The following SEPTIN8 variants were observed in gnomAD, a reference collection of about 807,000 sequenced individuals.
The protein encoded by SEPTIN8 is septin 8.
Under a neutral mutation model 53.1 loss-of-function variants are expected in SEPTIN8, and 22 were observed. The ratio of observed to expected loss-of-function variants is 0.41; its 90% CI spans 0.30 to 0.59. The LOEUF is 0.59. SEPTIN8 is among the 20% of genes least tolerant of loss of function. The pLI is 0.24. For synonymous variants in SEPTIN8, 228 were observed against 248.4 expected (o/e 0.92, Z 0.77); for missense variants, 536 against 638.7 (o/e 0.84, Z 1.73).
chr5:132,762,580 C>G lies in SEPTIN8; in HGVS notation c.600G>C (p.Lys200Asn). 6.2e-7 allele frequency: 1 copy of G among 1,614,236 alleles called. No homozygotes were observed. Among genetic ancestry groups the G allele is most frequent in the Non-Finnish European group, 8.5e-7 (1 of 1,180,042 alleles). Reference protein sequence around the residue: ...TISKSELHKFKIKIMGELVSN... With the variant: ...TISKSELHKFNIKIMGELVSN... ...TGACCAACTCGCCCATGATCTTGAT[C>G]TTGAACTTGTGGAGCTCGCTCTTGG... is the stretch of plus-strand genomic sequence containing the variant. Residue 200 changes from lysine (K) to asparagine (N), a missense_variant, in exon 5 of 10, where the codon AAG (lysine) becomes AAC (asparagine). Physicochemically the swap from Lys to Asn is moderately conservative, Grantham distance 94. Transcript: ENST00000378719.
At position 132,751,828 on chromosome 5, in the gene SEPTIN8, G is replaced by A; in HGVS notation, c.*188C>T. Reference sequence around the variant, plus strand: ...GGCATTAAGCCTCAAGCCCCTTACGGAGCCATGGATAGGAATGAAAAGGGT... The same window carrying A: ...GGCATTAAGCCTCAAGCCCCTTACGAAGCCATGGATAGGAATGAAAAGGGT... On this transcript the variant is annotated 3_prime_UTR_variant, in exon 10 of 10. Coordinates refer to ENST00000378719, the MANE Select transcript of SEPTIN8 (RefSeq NM_001098811.2). 5.7e-6 allele frequency: 6 copies of A among 1,056,634 alleles called. No individual in the cohort carries two copies. Among genetic ancestry groups the A allele is most frequent in the Non-Finnish European group, 8.1e-6 (6 of 738,116 alleles). The allele number at this position is 1,056,634 out of a possible 1,614,324, so 65.5% of individuals were successfully genotyped here.
At chr5:132,777,998 T>C (rs913679720), upstream of SEPTIN8, 310 of 985,460 alleles carry the variant, frequency 3.1e-4, no homozygotes, top group Non-Finnish European at 2.5e-4. This position sits in a 1 kb window ranked among gnomAD's most constrained non-coding sequence, Gnocchi z 4.1. Context: ...GGTTCCACCA[T>C]TGTGCAAAGA....
chr5:132,768,161 T>C (rs1383078751), intron 1 of SEPTIN8, among the ~76,000 whole-genome samples: 2 of 152,088 alleles, frequency 1.3e-5, no homozygotes, highest in Non-Finnish European at 2.9e-5. Flanking sequence ...CTCACACAGC[T>C]TGGCTCTCTC....
At chr5:132,765,289 AC>A in intron 2 of SEPTIN8, 119 bp downstream of exon 2, 1 of 1,212,422 alleles carries the variant, frequency 8.2e-7, no homozygotes, top group Admixed American at 2.2e-5. Context: ...TCGTCCTGAC[AC>A]CCCCAAAGTT....
At chr5:132,756,501 A>C in intron 9 of SEPTIN8, 1 of 985,442 alleles carries the variant, frequency 1.0e-6, no homozygotes, top group Non-Finnish European at 1.2e-6. Context: ...TGAGAAAAAG[A>C]GGGGTAAATG....
chr5:132,777,328 C>A (rs1757904313), upstream of SEPTIN8: 1 of 1,067,254 alleles, frequency 9.4e-7, no homozygotes, highest in East Asian at 6.5e-5. The surrounding 1 kb of genome is among the most constrained non-coding windows in gnomAD (Gnocchi z 4.1). Context: ...CCCGCGGGAC[C>A]GGCCTCCCCG....
At position 132,753,376 on chromosome 5, in the gene SEPTIN8, T is replaced by C. The variant is rs978695785; in HGVS notation, c.1287-1195A>G. 7 of 190,578 alleles carry C rather than the reference T, an allele frequency of 3.7e-5. No homozygotes were observed. The Admixed American group carries it at 3.7e-4, about 10-fold the overall frequency. The allele number at this position is 190,578 out of a possible 1,614,324, so 11.8% of individuals were successfully genotyped here. On this transcript the variant is annotated intron_variant, in intron 9 of 9. Coordinates refer to ENST00000378719, the MANE Select transcript of SEPTIN8 (RefSeq NM_001098811.2). ...AAGGGCTGGGGCTAGCTCTGACCAG[T>C]TCTTGCTGCTCTACCTGCCAGAGCT... is the stretch of plus-strand genomic sequence containing the variant.
intron 1 of SEPTIN8, among the ~76,000 whole-genome samples, chr5:132,770,006 T>TATATATAC (rs1757042864): frequency 1.5e-5 from 1 of 67,716 alleles, no homozygotes; most frequent in African/African-American, 4.9e-5. Context: ...TATATATATA[T>TATATATAC]ATATATATAT....
Position 132,752,037 on chromosome 5 carries a change from C to G in SEPTIN8, c.1431G>C (p.Thr477=). 6.2e-7 allele frequency: 1 copy of G among 1,611,556 alleles called. No individual in the cohort carries two copies. The highest frequency in any genetic ancestry group is 8.5e-7 in the Non-Finnish European group (1 of 1,179,042). ...TGCCTCAGAGGAATCCTTCCCTCCA[C>G]GTCGCATCCCTGACCAGGCAGCTGC... ...QCCSCLVRDA[T]WREGFL The change falls in exon 10 of 10, where the codon ACG becomes ACC. Residue 477 remains threonine, a synonymous_variant. Transcript: ENST00000378719.
chr5:132,765,504 A>T lies in SEPTIN8; in HGVS notation c.56T>A (p.Leu19His). 1 of 1,609,762 alleles carries T rather than the reference A, an allele frequency of 6.2e-7. No individual in the cohort carries two copies. The highest frequency in any genetic ancestry group is 1.1e-5 in the South Asian group (1 of 90,400). The change falls in exon 2 of 10, where the codon CTC becomes CAC. Residue 19 changes from leucine (L) to histidine (H), a missense_variant. Around this residue, in one of 3 missense-constraint regions of SEPTIN8, gnomAD observed 395 missense variants for 451.8 expected, o/e 0.87. Coordinates refer to ENST00000378719, the MANE Select transcript of SEPTIN8 (RefSeq NM_001098811.2). ...GAAACCCACATGGCCGCCCAGGGAG[A>T]GGCTCCGGGGCTCTGGCTCTGCATT... ...FSNAEPEPRS[L>H]SLGGHVGFDS...
Position 132,761,832 on chromosome 5 carries a change from C to G in SEPTIN8, c.761G>C (p.Arg254Pro), listed in dbSNP as rs774630726. ...EEVKVGNKLV[R>P]ARQYPWGVVQ... is the part of the protein sequence containing the mutation. ...CACTCCCCAGGGGTACTGCCGTGCT[C>G]GGACCAGCTTGTTCCCCACCTTCAC... Residue 254 changes from arginine to proline, a missense_variant, in exon 6 of 10, where the codon CGA becomes CCA. Physicochemically the swap from Arg to Pro is moderately radical, Grantham distance 103 (BLOSUM62 -2). This residue lies in a region of SEPTIN8 where 395 missense variants were observed against 451.8 expected (regional missense o/e 0.87). Coordinates refer to ENST00000378719, the MANE Select transcript of SEPTIN8 (RefSeq NM_001098811.2). This position sits in a 1 kb window ranked among gnomAD's most constrained non-coding sequence, Gnocchi z 5.8. 1.2e-6 allele frequency: 2 copies of G among 1,608,932 alleles called. No individual in the cohort carries two copies. The highest frequency in any genetic ancestry group is 1.7e-6 in the Non-Finnish European group (2 of 1,177,762).
At chr5:132,753,331 G>T in intron 9 of SEPTIN8, 1 of 256,716 alleles carries the variant, frequency 3.9e-6, no homozygotes. Flanking sequence ...AAACCAAGAG[G>T]CAGGCCTGGC....
At chr5:132,762,851 G>A (rs549586325) in intron 4 of SEPTIN8, among the ~76,000 whole-genome samples, 12 of 152,258 alleles carry the variant, frequency 7.9e-5, no homozygotes, top group African/African-American at 1.7e-4. Flanking sequence ...ACAATTGGCT[G>A]CAGTGCTTCT....
upstream of SEPTIN8, among the ~76,000 whole-genome samples, chr5:132,779,605 CTTTT>C (rs1303853069): frequency 1.3e-5 from 2 of 152,196 alleles, no homozygotes; most frequent in East Asian, 1.9e-4. Flanking sequence ...TTTATACTTT[CTTTT>C]GTCATGTAGA....
At chr5:132,756,516 T>A in intron 9 of SEPTIN8, 1 of 985,384 alleles carries the variant, frequency 1.0e-6, no homozygotes, top group African/African-American at 1.7e-5. Flanking sequence ...TAAATGAGAC[T>A]CTGCAGACAG....
rs1380698192 is a variant in SEPTIN8 at position 132,762,553 on chromosome 5, G to A, written c.627C>T (p.Ser209=). 1 of 1,614,190 alleles carries A rather than the reference G, an allele frequency of 6.2e-7. No individual in the cohort carries two copies. Among genetic ancestry groups the A allele is most frequent in the South Asian group, 1.1e-5 (1 of 91,084 alleles). The change falls in exon 5 of 10, where the codon AGC becomes AGT. Residue 209 remains serine (S), a synonymous_variant. Transcript: ENST00000378719. ...FKIKIMGELV[S]NGVQIYQFPT... is the part of the protein sequence containing the mutation. ...GGAACTGGTAGATCTGGACCCCGTTGCTGACCAACTCGCCCATGATCTTGA... is the reference window on the plus strand; with the variant it reads ...GGAACTGGTAGATCTGGACCCCGTTACTGACCAACTCGCCCATGATCTTGA...
In SEPTIN8 at chr5:132,761,331, A is replaced by G. The variant is rs1364298792; in HGVS notation, c.963-66T>C. ...GACGGAATGGGATAGGGCAGGGCAG[A>G]GCCAGAGAAGTAGAATCATGTGGGC... On this transcript the variant is annotated intron_variant, in intron 7 of 9. Coordinates refer to ENST00000378719, the MANE Select transcript of SEPTIN8 (RefSeq NM_001098811.2). This position sits in a 1 kb window ranked among gnomAD's most constrained non-coding sequence, Gnocchi z 5.8. 1 of 1,602,750 alleles carries G rather than the reference A, an allele frequency of 6.2e-7. No individual in the cohort carries two copies. The highest frequency in any genetic ancestry group is 1.3e-5 in the African/African-American group (1 of 74,744).
In SEPTIN8 at chr5:132,773,139, C is replaced by T. The variant is rs1182510575; in HGVS notation, c.30+3969G>A. ...AAGGTTCAGATGGCTCCAAAAGAAG[C>T]CAACAGAGTGCCCCAGCTCTACCAC... On this transcript the variant is annotated intron_variant, in intron 1 of 9. Coordinates refer to ENST00000378719, the MANE Select transcript of SEPTIN8 (RefSeq NM_001098811.2). The surrounding 1 kb of genome is among the most constrained non-coding windows in gnomAD (Gnocchi z 4.2). Among the ~76,000 whole-genome samples the T allele has an allele frequency of 1.3e-5, 2 of 152,224 alleles. No homozygotes were observed. Among genetic ancestry groups the T allele is most frequent in the Non-Finnish European group, 2.9e-5 (2 of 68,050 alleles).
chr5:132,777,584 G>C (rs777900241), upstream of SEPTIN8: 423 of 978,652 alleles, frequency 4.3e-4, 2 homozygotes, highest in Non-Finnish European at 5.0e-4. This position sits in a 1 kb window ranked among gnomAD's most constrained non-coding sequence, Gnocchi z 4.1. Context: ...TTTCCCGTAA[G>C]GGGGAAGTGG....
Sources: allele counts gnomAD v4.1 joint callset (sites outside exome capture counted in the v4.1 genomes callset), GRCh38; gene constraint gnomAD v4.1.1; regional missense constraint gnomAD v4.1.1; non-coding constraint Gnocchi (gnomAD v3.1); transcripts MANE v1.5; gene names NCBI Gene and HGNC (gene_info 2026-07-23, HGNC 2026-07-21).